Variants in JPT1 observed in about 807,000 individuals in gnomAD.
JPT1 encodes androgen-regulated protein 2.
Under a neutral mutation model 17.0 loss-of-function variants are expected in JPT1, and 5 were observed. That is an observed-to-expected ratio of 0.29 (90% confidence interval 0.15 to 0.62). The LOEUF is 0.62. Among genes scored for constraint, JPT1 ranks in the 20% least tolerant of loss-of-function variants. The pLI is 0.85. For missense variants in JPT1, 158 were observed against 188.1 expected (o/e 0.84, Z 0.94); for synonymous variants, 71 against 73.6 (o/e 0.96, Z 0.18).
chr17:75,136,484 G>T (rs577457497), intron 4 of JPT1, among the ~76,000 whole-genome samples: 1 of 152,042 alleles, frequency 6.6e-6, no homozygotes, highest in South Asian at 2.1e-4. Context: ...ATAAGGACAT[G>T]AAGTTTTTTT....
At chr17:75,136,841 C>T (rs1203871566) in intron 4 of JPT1, among the ~76,000 whole-genome samples, 2 of 152,140 alleles carry the variant, frequency 1.3e-5, no homozygotes, top group African/African-American at 4.8e-5. Flanking sequence ...CTCTACGGCC[C>T]CTTCCAGCTC....
intron 4 of JPT1, among the ~76,000 whole-genome samples, chr17:75,143,389 G>GTCTCTCC (rs1272936295): frequency 2.0e-5 from 3 of 152,058 alleles, no homozygotes; most frequent in Non-Finnish European, 4.4e-5. Flanking sequence ...GTGAAACCTC[G>GTCTCTCC]TCTCTACTAA....
intron 4 of JPT1, among the ~76,000 whole-genome samples, chr17:75,142,980 C>T (rs963457760): frequency 5.3e-5 from 8 of 152,144 alleles, no homozygotes; most frequent in African/African-American, 1.7e-4. Flanking sequence ...TGCATTAAGC[C>T]TCAGGAGCAG....
chr17:75,137,797 A>G (rs1436653556), intron 4 of JPT1, among the ~76,000 whole-genome samples: 3 of 138,374 alleles, frequency 2.2e-5, no homozygotes, highest in Non-Finnish European at 3.0e-5. Flanking sequence ...ACAGGCATGC[A>G]CCACCATGCC....
chr17:75,136,047 C>T lies in JPT1; in HGVS notation c.*55G>A, dbSNP rs1217453573. On this transcript the variant is annotated 3_prime_UTR_variant, in exon 5 of 5. Coordinates refer to ENST00000409753, the MANE Select transcript of JPT1 (RefSeq NM_016185.4). Reference sequence around the variant, plus strand: ...GATGTACAGTCAGGCTCAAGTTGTGCAGTTCACAAGCATGGAGGAAACAGA... The same window carrying T: ...GATGTACAGTCAGGCTCAAGTTGTGTAGTTCACAAGCATGGAGGAAACAGA... The T allele has an allele frequency of 6.2e-7, 1 of 1,613,962 alleles. No homozygotes were observed. Among genetic ancestry groups the T allele is most frequent in the Non-Finnish European group, 8.5e-7 (1 of 1,179,954 alleles).
rs1435006253 is a variant in JPT1, at chr17:75,148,542, C to A, written c.186G>T (p.Trp62Cys). 1 of 1,614,076 alleles carries A rather than the reference C, an allele frequency of 6.2e-7. No homozygotes were observed. The highest frequency in any genetic ancestry group is 2.2e-5 in the East Asian group (1 of 44,886). ...TAACAAGAGTACCTGCTGACTTGGCCCAAGAAGCTTGATTTTCTTCAGGTG... is the reference window on the plus strand; with the variant it reads ...TAACAAGAGTACCTGCTGACTTGGCACAAGAAGCTTGATTTTCTTCAGGTG... ...FGTPEENQAS[W>C]AKSAGAKSSG... The change falls in exon 2 of 5, where the codon TGG becomes TGT. Residue 62 changes from tryptophan to cysteine, a missense_variant. Physicochemically the swap from Trp to Cys is radical, Grantham distance 215 (BLOSUM62 -2). Coordinates refer to ENST00000409753, the MANE Select transcript of JPT1 (RefSeq NM_016185.4).
At chr17:75,142,594 G>A (rs1208470099) in intron 4 of JPT1, among the ~76,000 whole-genome samples, 1 of 38,254 alleles carries the variant, frequency 2.6e-5, no homozygotes, top group Non-Finnish European at 5.4e-5. Flanking sequence ...GGAGAGGGAG[G>A]GAGGGAGGGG....
rs1345742978 is a variant in JPT1, at chr17:75,154,489, A to ACCACCGCTGCAGGAG, written c.-107_-93dup. 6 of 1,243,494 alleles carry ACCACCGCTGCAGGAG rather than the reference A, an allele frequency of 4.8e-6. No homozygotes were observed. In the South Asian group the frequency reaches 8.1e-5, roughly 17 times the overall value. 77.0% of individuals were successfully genotyped at this position (1,243,494 alleles called of 1,614,324 possible). A position where few individuals can be genotyped will look rare whatever the true frequency, so the allele number is the denominator to read the frequency against. On this transcript the variant is annotated 5_prime_UTR_variant, in exon 1 of 5. Coordinates refer to ENST00000409753, the MANE Select transcript of JPT1 (RefSeq NM_016185.4). ...TGGGAAACTCCACACCCAACAGCCG[A>ACCACCGCTGCAGGAG]CCACCGCTGCAGGAGCCGCCGCTGC...
chr17:75,139,802 A>C (rs2074274223), intron 4 of JPT1, among the ~76,000 whole-genome samples: 1 of 152,114 alleles, frequency 6.6e-6, no homozygotes, highest in African/African-American at 2.4e-5. Context: ...TGGGCGACAG[A>C]GTAAGACTCC....
intron 1 of JPT1, among the ~76,000 whole-genome samples, chr17:75,151,666 ATAAAT>A (rs773691336): frequency 2.6e-5 from 4 of 152,022 alleles, no homozygotes; most frequent in East Asian, 1.9e-4. Flanking sequence ...TCTCAAAAAA[ATAAAT>A]TAATTAAAAA....
In JPT1 at chr17:75,147,807, T is replaced by G. The variant is rs980428339; in HGVS notation, c.200-154A>C. On this transcript the variant is annotated intron_variant, in intron 2 of 4. Transcript: ENST00000409753. Reference sequence around the variant, plus strand: ...TGAGGTCAGGAGTTCAAGACCAGCCTGGCCAACATGGTAAAACCCTGTCTC... The same window carrying G: ...TGAGGTCAGGAGTTCAAGACCAGCCGGGCCAACATGGTAAAACCCTGTCTC... 5.1e-6 allele frequency: 3 copies of G among 591,876 alleles called. No individual in the cohort carries two copies. The African/African-American group carries it at 5.6e-5, about 11-fold the overall frequency. The allele number at this position is 591,876 out of a possible 1,614,324, so 36.7% of individuals were successfully genotyped here.
At chr17:75,136,644 G>A (rs549344630) in intron 4 of JPT1, among the ~76,000 whole-genome samples, 2 of 152,126 alleles carry the variant, frequency 1.3e-5, no homozygotes, top group East Asian at 3.9e-4. Flanking sequence ...GGCGCCTGCC[G>A]CCATGCCCGG....
chr17:75,146,541 G>A (rs990633893), intron 4 of JPT1, 125 bp downstream of exon 4: 35 of 655,440 alleles, frequency 5.3e-5, no homozygotes, highest in Non-Finnish European at 8.8e-5. Flanking sequence ...AGAGTATGGC[G>A]GCACTTGGGG....
In JPT1 at chr17:75,136,108, C is replaced by G; in HGVS notation, c.459G>C (p.Leu153Phe). The G allele has an allele frequency of 6.2e-7, 1 of 1,614,216 alleles. No individual in the cohort carries two copies. Among genetic ancestry groups the G allele is most frequent in the Non-Finnish European group, 8.5e-7 (1 of 1,180,038 alleles). Residue 153 changes from leucine to phenylalanine, a missense_variant, in exon 5 of 5, where the codon TTG (leucine) becomes TTC (phenylalanine). Physicochemically the swap from Leu to Phe is conservative, Grantham distance 22. Transcript: ENST00000409753. Reference protein sequence around the residue: ...NPPGGKSSLVLG With the variant: ...NPPGGKSSLVFG ...GCGTTCAGGACAGTCAGAGCTAACCCAAGACGAGGCTGGACTTGCCGCCAG... is the reference window on the plus strand; with the variant it reads ...GCGTTCAGGACAGTCAGAGCTAACCGAAGACGAGGCTGGACTTGCCGCCAG...
intron 4 of JPT1, among the ~76,000 whole-genome samples, chr17:75,143,263 T>TA (rs1256570369): frequency 2.0e-5 from 3 of 152,140 alleles, no homozygotes; most frequent in Admixed American, 6.6e-5. Flanking sequence ...GAAGCCTCCA[T>TA]AAAAAACCAA....
In JPT1 at chr17:75,151,385, C is replaced by T. The variant is rs114066386; in HGVS notation, c.57-2714G>A. ...ATAATAATAAAATTAAGGTCAGGAG[C>T]GGTGGCTCATGCCTGTAATCCTAGC... On this transcript the variant is annotated intron_variant, in intron 1 of 4. Transcript: ENST00000409753. Among the ~76,000 whole-genome samples, 916 of 151,886 alleles carry T rather than the reference C, an allele frequency of 6.0e-3. 8 individuals carry two copies. Among genetic ancestry groups the T allele is most frequent in the African/African-American group, 0.021 (872 of 41,458 alleles).
At chr17:75,152,018 C>T (rs1443785823) in intron 1 of JPT1, among the ~76,000 whole-genome samples, 1 of 151,846 alleles carries the variant, frequency 6.6e-6, no homozygotes, top group East Asian at 1.9e-4. Flanking sequence ...CGAACACCAG[C>T]TTAAGAGCAA....
chr17:75,138,716 G>A (rs1055931051), intron 4 of JPT1, among the ~76,000 whole-genome samples: 2 of 151,986 alleles, frequency 1.3e-5, no homozygotes, highest in African/African-American at 4.8e-5. Context: ...CCAAGAAGAG[G>A]TCTTTAACAC....
At chr17:75,143,697 A>G (rs1188793580) in intron 4 of JPT1, among the ~76,000 whole-genome samples, 9 of 151,806 alleles carry the variant, frequency 5.9e-5, no homozygotes, top group South Asian at 2.1e-4. Flanking sequence ...TTACCTGGGC[A>G]TGGTGGTGCA....
Sources: gnomAD v4.1 joint callset for allele counts (sites outside exome capture counted in the v4.1 genomes callset) on GRCh38, gnomAD v4.1.1 for gene constraint, MANE v1.5 for transcripts, NCBI Gene and HGNC (gene_info 2026-07-23, HGNC 2026-07-21) for gene names.